TPTE2: variants seen among roughly 807,000 people sequenced by gnomAD.
TPTE2 encodes the protein phosphatidylinositol 3,4,5-trisphosphate 3-phosphatase TPTE2.
Under a neutral mutation model 78.6 loss-of-function variants are expected in TPTE2, and 53 were observed. The ratio of observed to expected loss-of-function variants is 0.67; its 90% CI spans 0.54 to 0.85. The LOEUF is 0.85. Ranked by LOEUF, TPTE2 falls within the 40% of genes least tolerant of loss-of-function variation. The pLI, the probability that TPTE2 is intolerant of heterozygous loss-of-function variation, is 0.00. For missense variants in TPTE2, 461 were observed against 623.0 expected (o/e 0.74, Z 2.77); for synonymous variants, 175 against 206.2 (o/e 0.85, Z 1.30).
At chr13:19,449,817 TAGGAAAACAA>T (rs1268145190) in intron 13 of TPTE2, among the ~76,000 whole-genome samples, 1 of 152,188 alleles carries the variant, frequency 6.6e-6, no homozygotes, top group Admixed American at 6.5e-5. Flanking sequence ...ATCCAAATAC[TAGGAAAACAA>T]GGGAAAATAT....
At chr13:19,509,357 A>G (rs1487372124) in intron 1 of TPTE2, among the ~76,000 whole-genome samples, 3 of 152,192 alleles carry the variant, frequency 2.0e-5, no homozygotes, top group Non-Finnish European at 4.4e-5. Flanking sequence ...CTTTGAAAAG[A>G]TTACTACAAT....
chr13:19,538,697 A>G (rs1246696151), upstream of TPTE2, among the ~76,000 whole-genome samples: 1 of 151,742 alleles, frequency 6.6e-6, no homozygotes, highest in East Asian at 1.9e-4. Flanking sequence ...TTGTATTTTT[A>G]GTGGAGACAG....
intron 4 of TPTE2, among the ~76,000 whole-genome samples, chr13:19,478,997 C>T (rs534974794): frequency 2.6e-5 from 4 of 151,742 alleles, no homozygotes; most frequent in African/African-American, 9.7e-5. Context: ...CATCACACAC[C>T]GGGGCCTGTC....
chr13:19,494,534 G>A (rs1212979762), intron 1 of TPTE2, among the ~76,000 whole-genome samples: 2 of 152,106 alleles, frequency 1.3e-5, no homozygotes, highest in Non-Finnish European at 2.9e-5. Context: ...TCACCCTCCT[G>A]AGGAGCTGGG....
At chr13:19,425,543 C>A (rs1372969267) in intron 18 of TPTE2, among the ~76,000 whole-genome samples, 1 of 152,096 alleles carries the variant, frequency 6.6e-6, no homozygotes, top group Non-Finnish European at 1.5e-5. Flanking sequence ...CACTATGGGA[C>A]AGCTAGATAT....
intron 1 of TPTE2, among the ~76,000 whole-genome samples, chr13:19,498,587 C>G (rs1415691577): frequency 6.6e-6 from 1 of 151,844 alleles, no homozygotes; most frequent in Non-Finnish European, 1.5e-5. Context: ...ACTTTACAGA[C>G]AAGCAAATGC....
chr13:19,492,820 T>C (rs1881076699), intron 3 of TPTE2, 30 bp downstream of exon 6: 3 of 1,613,222 alleles, frequency 1.9e-6, no homozygotes, highest in East Asian at 2.2e-5. Context: ...CTCTTATGCA[T>C]ACGTGTGTCT....
chr13:19,542,328 C>T, the TPTE2 span, among the ~76,000 whole-genome samples: 2 of 152,254 alleles, frequency 1.3e-5, no homozygotes, highest in African/African-American at 4.8e-5. Context: ...CTGAGAGTCT[C>T]CTGCTCAGGG....
At chr13:19,464,757 G>A (rs1157608579) in intron 9 of TPTE2, among the ~76,000 whole-genome samples, 1 of 152,206 alleles carries the variant, frequency 6.6e-6, no homozygotes, top group Non-Finnish European at 1.5e-5. Flanking sequence ...TGTATGCCAT[G>A]TACTTATGAT....
intron 19 of TPTE2, 51 bp downstream of exon 22, chr13:19,424,896 T>C (rs576469837): frequency 3.5e-6 from 4 of 1,140,914 alleles, no homozygotes; most frequent in Admixed American, 5.4e-5. Flanking sequence ...ACACCTTATT[T>C]ATAGACATTG....
chr13:19,443,737 T>TCC (rs1401688990), intron 13 of TPTE2, among the ~76,000 whole-genome samples: 5 of 129,774 alleles, frequency 3.9e-5, no homozygotes, highest in Non-Finnish European at 6.4e-5. Flanking sequence ...TGGTAGCTAA[T>TCC]ACACACACAC....
At chr13:19,456,855 A>G (rs1458775892) in intron 10 of TPTE2, among the ~76,000 whole-genome samples, 2 of 152,160 alleles carry the variant, frequency 1.3e-5, no homozygotes, top group African/African-American at 4.8e-5. Context: ...AATTCAAAAA[A>G]TCTAAGAGAG....
intron 18 of TPTE2, 119 bp from the exon 22 acceptor site, chr13:19,425,136 G>T (rs1875932096): frequency 1.9e-6 from 1 of 527,844 alleles, no homozygotes; most frequent in Non-Finnish European, 3.3e-6. Flanking sequence ...CCATTAAATA[G>T]GTAGCACTCT....
chr13:19,465,560 T>G, exon 8 of TPTE2: 1 of 1,583,932 alleles, frequency 6.3e-7, no homozygotes, highest in East Asian at 2.2e-5. Flanking sequence ...ACTAAATGTG[T>G]CCATCTAACA....
chr13:19,512,946 T>G (rs1008378952), intron 1 of TPTE2, among the ~76,000 whole-genome samples: 3 of 152,172 alleles, frequency 2.0e-5, no homozygotes, highest in African/African-American at 7.2e-5. Flanking sequence ...AAGGGTATTG[T>G]TAAGCTGGCA....
At chr13:19,471,201 C>T (rs954034593) in intron 6 of TPTE2, among the ~76,000 whole-genome samples, 1 of 152,160 alleles carries the variant, frequency 6.6e-6, no homozygotes, top group Non-Finnish European at 1.5e-5. Flanking sequence ...AACCACCACA[C>T]CTGGATGTGT....
At chr13:19,444,771 GTAT>G (rs1437991309) in intron 13 of TPTE2, among the ~76,000 whole-genome samples, 3 of 151,980 alleles carry the variant, frequency 2.0e-5, no homozygotes, top group Non-Finnish European at 4.4e-5. Flanking sequence ...TGATGAGGAC[GTAT>G]TAGAAAGCTA....
chr13:19,554,231 C>A, the TPTE2 span, among the ~76,000 whole-genome samples: 1 of 151,756 alleles, frequency 6.6e-6, no homozygotes, highest in African/African-American at 2.4e-5. Flanking sequence ...AAAAATTAGC[C>A]GGGCATGGTG....
At chr13:19,423,221 A>C in intron 19 of TPTE2, 57 bp from the exon 23 acceptor site, 1 of 1,389,082 alleles carries the variant, frequency 7.2e-7, no homozygotes. Context: ...AAAGCCACGC[A>C]GTTGGGTACC....
Sources: gnomAD v4.1 joint callset for allele counts (sites outside exome capture counted in the v4.1 genomes callset) on GRCh38, gnomAD v4.1.1 for gene constraint, MANE v1.5 for transcripts, NCBI Gene and HGNC (gene_info 2026-07-23, HGNC 2026-07-21) for gene names.